Variants in STARD13 observed in about 807,000 individuals in gnomAD.
The protein encoded by STARD13 is StAR related lipid transfer domain containing 13.
In STARD13, 62 loss-of-function variants were observed where a neutral mutation model predicts 106.4. That is an observed-to-expected ratio of 0.58 (90% confidence interval 0.48 to 0.72). STARD13 has a LOEUF of 0.72. Among genes scored for constraint, STARD13 ranks in the 30% least tolerant of loss-of-function variants. STARD13 has a pLI of 0.00. For synonymous variants in STARD13, 565 were observed against 553.0 expected (o/e 1.02, Z -0.31); for missense variants, 1,387 against 1,424.0 (o/e 0.97, Z 0.42).
chr13:33,246,725 A>C, intron 1 of STARD13, among the ~76,000 whole-genome samples: 1 of 152,190 alleles, frequency 6.6e-6, no homozygotes, highest in East Asian at 1.9e-4. Context: ...AAACTAAGAG[A>C]GAGAGAGAGA....
the STARD13 span, among the ~76,000 whole-genome samples, chr13:33,377,880 A>G: frequency 1.3e-5 from 2 of 152,142 alleles, no homozygotes; most frequent in Non-Finnish European, 2.9e-5. Context: ...AATTGATTGA[A>G]TGGGTAAATC....
chr13:33,109,954 G>T lies in STARD13; in HGVS notation c.2966C>A (p.Thr989Asn). ...EDFVQWKVVE[T>N]LDRQTEIYQY... ...GTAGATCTCTGTTTGCCTGTCTAGAGTTTCCACAACCTTCCACTGCACAAA... is the reference window on the plus strand; with the variant it reads ...GTAGATCTCTGTTTGCCTGTCTAGATTTTCCACAACCTTCCACTGCACAAA... Residue 989 changes from threonine to asparagine, a missense_variant, in exon 12 of 14, where the codon ACT (threonine) becomes AAT (asparagine). By Grantham distance (65) the Thr-to-Asn change is moderately conservative (BLOSUM62 0). Transcript: ENST00000336934. 1 of 1,614,154 alleles carries T rather than the reference G, an allele frequency of 6.2e-7. No individual in the cohort carries two copies. Among genetic ancestry groups the T allele is most frequent in the Non-Finnish European group, 8.5e-7 (1 of 1,180,026 alleles).
the STARD13 span, among the ~76,000 whole-genome samples, chr13:33,531,476 G>A: frequency 3.2e-3 from 489 of 152,276 alleles, 3 homozygotes; most frequent in African/African-American, 0.011. Context: ...TGAGACCCTG[G>A]TAGTGTTTGA....
the STARD13 span, among the ~76,000 whole-genome samples, chr13:33,587,088 C>T: frequency 2.6e-5 from 4 of 151,880 alleles, no homozygotes; most frequent in Non-Finnish European, 5.9e-5. Context: ...TGGTGGCAGG[C>T]GCCTGTAATC....
chr13:33,403,905 C>A, the STARD13 span, among the ~76,000 whole-genome samples: 2 of 152,316 alleles, frequency 1.3e-5, no homozygotes, highest in East Asian at 3.9e-4. Context: ...GTTCACTCTC[C>A]TATATAAATT....
upstream of STARD13, among the ~76,000 whole-genome samples, chr13:33,287,667 C>T (rs1892126078): frequency 6.6e-6 from 1 of 152,194 alleles, no homozygotes; most frequent in Admixed American, 6.6e-5. Context: ...GAGCCCAGCT[C>T]AGTCCGCACC....
At chr13:33,269,107 G>T (rs1891038778) in intron 1 of STARD13, among the ~76,000 whole-genome samples, 1 of 152,126 alleles carries the variant, frequency 6.6e-6, no homozygotes, top group Non-Finnish European at 1.5e-5. Context: ...ATAAAAAAAA[G>T]TTAGGATACC....
At chr13:33,676,731 T>C in the STARD13 span, 1 of 152,152 alleles carries the variant, frequency 6.6e-6, no homozygotes, top group Non-Finnish European at 1.5e-5. Context: ...ACATCAAATG[T>C]GCAGGATTTA....
At chr13:33,470,551 G>C in the STARD13 span, among the ~76,000 whole-genome samples, 1 of 152,196 alleles carries the variant, frequency 6.6e-6, no homozygotes, top group Admixed American at 6.5e-5. Context: ...CAGTGTAAAA[G>C]CATTCCTATT....
chr13:33,456,899 C>G, the STARD13 span, among the ~76,000 whole-genome samples: 1 of 152,224 alleles, frequency 6.6e-6, no homozygotes, highest in Non-Finnish European at 1.5e-5. Context: ...TACAATGACA[C>G]AGTTGAGTAG....
the STARD13 span, among the ~76,000 whole-genome samples, chr13:33,652,188 CA>C: frequency 6.6e-6 from 1 of 152,146 alleles, no homozygotes; most frequent in South Asian, 2.1e-4. Flanking sequence ...CTGAACTGAC[CA>C]AAATGCCCCA....
chr13:33,246,221 G>T (rs892500140), intron 1 of STARD13, among the ~76,000 whole-genome samples: 1 of 152,130 alleles, frequency 6.6e-6, no homozygotes, highest in African/African-American at 2.4e-5. Context: ...TAAGACATGC[G>T]CATCAAAGAG....
chr13:33,528,368 C>G, the STARD13 span, among the ~76,000 whole-genome samples: 2 of 149,772 alleles, frequency 1.3e-5, no homozygotes, highest in African/African-American at 2.5e-5. Context: ...CTCCTGGGCT[C>G]AAGCCATCCT....
intron 12 of STARD13, among the ~76,000 whole-genome samples, chr13:33,108,055 G>C (rs186488168): frequency 1.3e-5 from 2 of 152,156 alleles, no homozygotes; most frequent in Admixed American, 1.3e-4. Flanking sequence ...TTTCATGAAC[G>C]AAGATGTGAT....
At chr13:33,412,565 G>A in the STARD13 span, among the ~76,000 whole-genome samples, 9 of 152,082 alleles carry the variant, frequency 5.9e-5, no homozygotes, top group African/African-American at 2.2e-4. Flanking sequence ...ACCACTTTAT[G>A]CTGTCTATGA....
chr13:33,144,398 T>C (rs1350998619), intron 3 of STARD13, among the ~76,000 whole-genome samples: 2 of 152,256 alleles, frequency 1.3e-5, no homozygotes, highest in African/African-American at 4.8e-5. Context: ...TTGGCCCTAA[T>C]TCAGTCTCCT....
At chr13:33,343,253 A>G (rs998549293) in intron 1 of STARD13, among the ~76,000 whole-genome samples, 1 of 151,592 alleles carries the variant, frequency 6.6e-6, no homozygotes, top group African/African-American at 2.4e-5. Flanking sequence ...GTATAATAAT[A>G]GTAAAATTAA....
the STARD13 span, among the ~76,000 whole-genome samples, chr13:33,672,022 T>C: frequency 6.6e-6 from 1 of 152,214 alleles, no homozygotes; most frequent in African/African-American, 2.4e-5. Flanking sequence ...ACTGGGTATA[T>C]ACCCAAAGGA....
chr13:33,609,085 CAAAAAAAAA>C, the STARD13 span, among the ~76,000 whole-genome samples: 9 of 50,598 alleles, frequency 1.8e-4, no homozygotes, highest in Admixed American at 1.7e-3. Flanking sequence ...GACTCCGTCT[CAAAAAAAAA>C]AAAAAAAAAA....
Sources: allele counts gnomAD v4.1 joint callset (sites outside exome capture counted in the v4.1 genomes callset), GRCh38; gene constraint gnomAD v4.1.1; transcripts MANE v1.5; gene names NCBI Gene and HGNC (gene_info 2026-07-23, HGNC 2026-07-21).